MORC2: variants seen among roughly 807,000 people sequenced by gnomAD.
MORC2 encodes ATPase MORC2.
A neutral mutation model predicts 136.0 loss-of-function variants in MORC2; 30 were observed. The ratio of observed to expected loss-of-function variants is 0.22; its 90% confidence interval spans 0.17 to 0.30. The LOEUF (loss-of-function observed/expected upper bound fraction) is 0.30, where lower values mean the gene tolerates loss of function less well. MORC2 is among the 10% of genes least tolerant of loss of function. The probability of loss-of-function intolerance (pLI) is 1.00; values close to 1 mark genes in which losing one functional copy is unlikely to be tolerated. For synonymous variants in MORC2, 439 were observed against 487.0 expected (o/e 0.90, Z 1.30); for missense variants, 922 against 1,333.1 (o/e 0.69, Z 4.80).
intron 5 of MORC2, among the ~76,000 whole-genome samples, chr22:30,949,313 C>G (rs1292959294): frequency 6.6e-6 from 1 of 152,172 alleles, no homozygotes; most frequent in Non-Finnish European, 1.5e-5. Flanking sequence ...TCACATCTCT[C>G]TTCCTTACCC....
In MORC2 at chr22:30,935,172, G is replaced by C; in HGVS notation, c.1813-11C>G. ...TCTACGCACAGGTTCCTAAAAAAAG[G>C]CCCACAGAGAGTGAGAACACTGATC... On this transcript the variant is annotated splice_polypyrimidine_tract_variant and intron_variant, in intron 18 of 25. Coordinates refer to ENST00000397641, the MANE Select transcript of MORC2 (RefSeq NM_001303256.3). 6.2e-7 allele frequency: 1 copy of C among 1,611,958 alleles called. No individual in the cohort carries two copies. Among genetic ancestry groups the C allele is most frequent in the Non-Finnish European group, 8.5e-7 (1 of 1,178,934 alleles).
rs1302154498 is a variant in MORC2, at chr22:30,967,917, C to T, written c.-28G>A. 18 of 1,478,818 alleles carry T rather than the reference C, an allele frequency of 1.2e-5. No individual in the cohort carries two copies. The highest frequency in any genetic ancestry group is 2.8e-5 in the African/African-American group (2 of 71,576). 91.6% of individuals were successfully genotyped at this position (1,478,818 alleles called of 1,614,324 possible). On this transcript the variant is annotated 5_prime_UTR_variant, in exon 1 of 26. In the 5' UTR this introduces an upstream ATG that the reference lacks. Coordinates refer to ENST00000397641, the MANE Select transcript of MORC2 (RefSeq NM_001303256.3). ...CTGCAATAAGGTCTCCAGCCCTTCA[C>T]CCGCTAACTGGGAAATATAACCTTA... is the stretch of plus-strand genomic sequence containing the variant.
intron 3 of MORC2, among the ~76,000 whole-genome samples, chr22:30,951,066 G>C (rs2040879761): frequency 6.6e-6 from 1 of 152,150 alleles, no homozygotes; most frequent in African/African-American, 2.4e-5. Flanking sequence ...TCCTTGAAAG[G>C]GCTCCCCATC....
chr22:30,958,654 C>A lies in MORC2; in HGVS notation c.109G>T (p.Val37Phe), dbSNP rs1368333018. The A allele has an allele frequency of 1.3e-6, 2 of 1,548,794 alleles. No homozygotes were observed. Among genetic ancestry groups the A allele is most frequent in the African/African-American group, 2.7e-5 (2 of 72,936 alleles). ...EFLFGALAELVDNARDADATR... is the reference protein window; with the variant it reads ...EFLFGALAELFDNARDADATR... ...AAGACTACATACCTTGCATTATCAACCAGTTCAGCAAGGGCACCAAACAAG... is the reference window on the plus strand; with the variant it reads ...AAGACTACATACCTTGCATTATCAAACAGTTCAGCAAGGGCACCAAACAAG... The change falls in exon 2 of 26, where the codon GTT becomes TTT. Residue 37 changes from valine (V) to phenylalanine (F), a missense_variant. Physicochemically the swap from Val to Phe is conservative, Grantham distance 50. Around this residue, in one of 9 missense-constraint regions of MORC2, gnomAD observed 57 missense variants for 71.8 expected, o/e 0.79. Coordinates refer to ENST00000397641, the MANE Select transcript of MORC2 (RefSeq NM_001303256.3).
intron 3 of MORC2, among the ~76,000 whole-genome samples, chr22:30,953,661 C>T (rs555403333): frequency 5.7e-4 from 87 of 152,182 alleles, no homozygotes; most frequent in Non-Finnish European, 7.8e-4. Flanking sequence ...TAATCATTGC[C>T]CTGGCATCAC....
chr22:30,940,982 C>A, intron 9 of MORC2, 145 bp from the exon 10 acceptor site: 1 of 740,744 alleles, frequency 1.3e-6, no homozygotes, highest in Non-Finnish European at 2.4e-6. Context: ...AAGCTCAATT[C>A]AGCAAAAAGG....
intron 5 of MORC2, among the ~76,000 whole-genome samples, chr22:30,947,156 T>C (rs1172452759): frequency 6.6e-6 from 1 of 152,232 alleles, no homozygotes; most frequent in African/African-American, 2.4e-5. Flanking sequence ...CCAGAAGTGT[T>C]TTGCCACCTC....
Position 30,932,327 on chromosome 22 carries a change from G to A in MORC2, c.2841+32C>T. 1 of 1,521,504 alleles carries A rather than the reference G, an allele frequency of 6.6e-7. No individual in the cohort carries two copies. 94.3% of individuals were successfully genotyped at this position (1,521,504 alleles called of 1,614,324 possible). A position where few individuals can be genotyped will look rare whatever the true frequency, so the allele number is the denominator to read the frequency against. ...GCAGGGGCAGGGGTGGGGGAATGAA[G>A]AGTGTGGAATCGAAGGTCAGGCCAG... On this transcript the variant is annotated intron_variant, in intron 24 of 25. Transcript: ENST00000397641. This position sits in a 1 kb window ranked among gnomAD's most constrained non-coding sequence, Gnocchi z 4.4.
In MORC2 at chr22:30,940,754, T is replaced by C. The variant is rs774282819; in HGVS notation, c.904+4A>G. Reference sequence around the variant, plus strand: ...CCCAACTCCTGCACCCAGAGTGGCATTACCAATCCTTGCTACGTGCTCTGC... The same window carrying C: ...CCCAACTCCTGCACCCAGAGTGGCACTACCAATCCTTGCTACGTGCTCTGC... On this transcript the variant is annotated splice_donor_region_variant and intron_variant, in intron 10 of 25. Coordinates refer to ENST00000397641, the MANE Select transcript of MORC2 (RefSeq NM_001303256.3). 2 of 1,613,844 alleles carry C rather than the reference T, an allele frequency of 1.2e-6. No homozygotes were observed. Among genetic ancestry groups the C allele is most frequent in the Non-Finnish European group, 1.7e-6 (2 of 1,179,766 alleles).
At chr22:30,958,518 G>A in intron 2 of MORC2, 123 bp downstream of exon 2, 1 of 609,708 alleles carries the variant, frequency 1.6e-6, no homozygotes, top group Non-Finnish European at 2.7e-6. Flanking sequence ...AGGCATCCTA[G>A]GAGTTACAGA....
chr22:30,965,392 G>A (rs2041113533), intron 1 of MORC2, among the ~76,000 whole-genome samples: 1 of 152,130 alleles, frequency 6.6e-6, no homozygotes, highest in African/African-American at 2.4e-5. Context: ...CACATCATGT[G>A]AGAATTTTAA....
intron 1 of MORC2, among the ~76,000 whole-genome samples, chr22:30,966,565 A>C (rs1213653296): frequency 1.3e-5 from 2 of 152,142 alleles, no homozygotes; most frequent in African/African-American, 4.8e-5. Flanking sequence ...ACCTGAAGTC[A>C]GGAGTTCGGG....
At chr22:30,946,030 C>G (rs942225478) in intron 6 of MORC2, among the ~76,000 whole-genome samples, 1 of 152,208 alleles carries the variant, frequency 6.6e-6, no homozygotes, top group African/African-American at 2.4e-5. Flanking sequence ...ACACTCCCCC[C>G]AAAATGGAAT....
intron 24 of MORC2, among the ~76,000 whole-genome samples, chr22:30,931,229 CT>C (rs2040571808): frequency 6.6e-6 from 1 of 152,240 alleles, no homozygotes; most frequent in Non-Finnish European, 1.5e-5. Context: ...ATTACAGCCC[CT>C]GGGCCGAATC....
chr22:30,955,906 A>G (rs1309270074), intron 3 of MORC2, among the ~76,000 whole-genome samples: 1 of 149,418 alleles, frequency 6.7e-6, no homozygotes, highest in Non-Finnish European at 1.5e-5. Context: ...GCTACTTGGG[A>G]GTCTGAGGCA....
In MORC2 at chr22:30,939,951, G is replaced by A. The variant is rs1312144808; in HGVS notation, c.987+8C>T. The stretch of plus-strand genomic sequence containing the variant: ...GCTGGAGAACAGCCGCCTGGGCCGG[G>A]ACCTTACCCTGGAGTCCCGCGTGAG... On this transcript the variant is annotated splice_region_variant and intron_variant, in intron 11 of 25. Coordinates refer to ENST00000397641, the MANE Select transcript of MORC2 (RefSeq NM_001303256.3). 1 of 1,613,266 alleles carries A rather than the reference G, an allele frequency of 6.2e-7. No individual in the cohort carries two copies. Among genetic ancestry groups the A allele is most frequent in the African/African-American group, 1.3e-5 (1 of 74,920 alleles).
In MORC2 at chr22:30,940,015, T is replaced by A; in HGVS notation, c.931A>T (p.Ser311Cys). Reference sequence around the variant, plus strand: ...CGTACTTCTAATGTCCGAGCTTTGCTCTCTGCCTCCCGCGCCTTCTCTTCA... The same window carrying A: ...CGTACTTCTAATGTCCGAGCTTTGCACTCTGCCTCCCGCGCCTTCTCTTCA... ...IAEEKAREAE[S>C]KARTLEVRLG... The change falls in exon 11 of 26, where the codon AGC (serine) becomes TGC (cysteine). Residue 311 changes from serine (S) to cysteine (C), a missense_variant. Physicochemically the swap from Ser to Cys is moderately radical, Grantham distance 112. This residue lies in a region of MORC2 where 261 missense variants were observed against 354.3 expected (regional missense o/e 0.74). Transcript: ENST00000397641. 1 of 1,613,868 alleles carries A rather than the reference T, an allele frequency of 6.2e-7. No homozygotes were observed. Among genetic ancestry groups the A allele is most frequent in the African/African-American group, 1.3e-5 (1 of 75,034 alleles).
chr22:30,942,050 C>A (rs779678137), intron 7 of MORC2, 48 bp from the exon 8 acceptor site: 4 of 1,610,456 alleles, frequency 2.5e-6, no homozygotes, highest in South Asian at 1.1e-5. Flanking sequence ...GGCCCACCCC[C>A]ACACTACTTG....
chr22:30,953,980 C>T (rs973627298), intron 3 of MORC2, among the ~76,000 whole-genome samples: 12 of 152,116 alleles, frequency 7.9e-5, no homozygotes, highest in African/African-American at 2.9e-4. Context: ...TACTTTCCCC[C>T]ATGAACTAAC....
Sources: gnomAD v4.1 joint callset for allele counts (sites outside exome capture counted in the v4.1 genomes callset) on GRCh38, gnomAD v4.1.1 for gene constraint, gnomAD v4.1.1 regional missense constraint, Gnocchi (gnomAD v3.1) non-coding constraint, MANE v1.5 for transcripts, NCBI Gene and HGNC (gene_info 2026-07-23, HGNC 2026-07-21) for gene names.